Variants in ALPL observed in about 807,000 individuals in gnomAD.
ALPL encodes alkaline phosphatase, biomineralization associated, also known as alkaline phosphatase, tissue-nonspecific isozyme.
Under a neutral mutation model 51.3 loss-of-function variants are expected in ALPL, and 42 were observed. The observed-to-expected ratio is 0.82, with a 90% CI of 0.64 to 1.06. The LOEUF is 1.06. Ranked by LOEUF, ALPL falls within the 50% of genes least tolerant of loss-of-function variation. The probability of loss-of-function intolerance (pLI) is 0.00; values close to 1 mark genes in which losing one functional copy is unlikely to be tolerated. For synonymous variants in ALPL, 279 were observed against 296.4 expected (o/e 0.94, Z 0.60); for missense variants, 589 against 709.4 (o/e 0.83, Z 1.93).
chr1:21,536,692 G>A (rs1417944796), intron 1 of ALPL, among the ~76,000 whole-genome samples: 1 of 152,074 alleles, frequency 6.6e-6, no homozygotes, highest in Non-Finnish European at 1.5e-5. Flanking sequence ...GGAGCTGGAG[G>A]CGGGATCAGT....
intron 11 of ALPL, 52 bp from the exon 12 acceptor site, chr1:21,577,331 G>T: frequency 1.2e-6 from 2 of 1,612,042 alleles, no homozygotes. Context: ...AGCTGCGTGC[G>T]CAGCGCCAGG....
intron 2 of ALPL, among the ~76,000 whole-genome samples, chr1:21,555,534 A>G (rs1644401384): frequency 6.6e-6 from 1 of 152,152 alleles, no homozygotes; most frequent in Non-Finnish European, 1.5e-5. Context: ...CTCCTGCCTC[A>G]GCCTCCTGAG....
intron 1 of ALPL, among the ~76,000 whole-genome samples, chr1:21,550,453 T>G (rs1015040580): frequency 5.9e-5 from 9 of 152,178 alleles, no homozygotes; most frequent in Admixed American, 3.9e-4. Context: ...TAGTGAAACA[T>G]CATGGTGAAA....
At chr1:21,557,180 C>G (rs1319500827) in intron 2 of ALPL, among the ~76,000 whole-genome samples, 1 of 152,186 alleles carries the variant, frequency 6.6e-6, no homozygotes, top group African/African-American at 2.4e-5. Flanking sequence ...CATTATGTGG[C>G]TAGAAGTCCC....
chr1:21,533,120 G>A (rs1256099050), intron 1 of ALPL, among the ~76,000 whole-genome samples: 2 of 152,180 alleles, frequency 1.3e-5, no homozygotes, highest in Non-Finnish European at 2.9e-5. Flanking sequence ...GAAAGCCACC[G>A]TTTACTTACC....
intron 2 of ALPL, among the ~76,000 whole-genome samples, chr1:21,554,578 C>CAT (rs1644374601): frequency 1.3e-5 from 2 of 150,968 alleles, no homozygotes; most frequent in Admixed American, 6.6e-5. Context: ...GCAAGCTCTG[C>CAT]CTCCTGGGTT....
At chr1:21,525,239 G>A (rs1002874457) in intron 1 of ALPL, among the ~76,000 whole-genome samples, 10 of 152,324 alleles carry the variant, frequency 6.6e-5, no homozygotes, top group South Asian at 4.1e-4. Flanking sequence ...CTGGCCAAAC[G>A]GAGCTCAGCT....
intron 2 of ALPL, among the ~76,000 whole-genome samples, chr1:21,558,854 T>C (rs866837486): frequency 1.3e-5 from 2 of 152,190 alleles, no homozygotes; most frequent in African/African-American, 2.4e-5. Flanking sequence ...TATGCTAGGC[T>C]GGGGCAGAGC....
chr1:21,556,396 G>A (rs1055330354), intron 2 of ALPL, among the ~76,000 whole-genome samples: 8 of 150,316 alleles, frequency 5.3e-5, no homozygotes, highest in African/African-American at 2.0e-4. Context: ...ATCCCAGTGC[G>A]TTGGGAGGCT....
rs571019894 is a variant in ALPL, at chr1:21,547,516, C to T, written c.-104-6462C>T. ...TTCTTCACTTGCCGCCTGGCCAGGC[C>T]GCTCAGGTAGGGGAACTCAGCTGGC... On this transcript the variant is annotated intron_variant, in intron 1 of 11. Coordinates refer to ENST00000374840, the MANE Select transcript of ALPL (RefSeq NM_000478.6). 9.2e-5 allele frequency among the ~76,000 whole-genome samples: 14 copies of T among 152,322 alleles called. No homozygotes were observed. In the East Asian group the frequency reaches 2.3e-3, roughly 25 times the overall value.
In ALPL at chr1:21,564,269, G is replaced by T; in HGVS notation, c.648+53G>T. 1 of 1,602,320 alleles carries T rather than the reference G, an allele frequency of 6.2e-7. No individual in the cohort carries two copies. Among genetic ancestry groups the T allele is most frequent in the Non-Finnish European group, 8.5e-7 (1 of 1,174,386 alleles). On this transcript the variant is annotated intron_variant, in intron 6 of 11. Transcript: ENST00000374840. The surrounding 1 kb of genome is among the most constrained non-coding windows in gnomAD (Gnocchi z 5.8). ...GACGGGGTGAGGCGGGGCCTCTGGT[G>T]GGCAGGAGGCCTCAGGCCCAGGCTG...
At chr1:21,565,557 G>T (rs1644550790) in intron 6 of ALPL, among the ~76,000 whole-genome samples, 2 of 150,286 alleles carry the variant, frequency 1.3e-5, no homozygotes, top group South Asian at 4.2e-4. Flanking sequence ...CAGGGGACAG[G>T]AACTTGAAGG....
chr1:21,538,357 G>A (rs965596192), intron 1 of ALPL, among the ~76,000 whole-genome samples: 1 of 152,154 alleles, frequency 6.6e-6, no homozygotes, highest in Non-Finnish European at 1.5e-5. Flanking sequence ...AAAAGCCACC[G>A]GAGCCTTCTG....
chr1:21,554,909 CT>C (rs756685425), intron 2 of ALPL, among the ~76,000 whole-genome samples: 3 of 80,806 alleles, frequency 3.7e-5, no homozygotes, highest in Non-Finnish European at 7.5e-5. Flanking sequence ...CTTTCTTTCT[CT>C]TTTCTTTCTT....
intron 9 of ALPL, chr1:21,574,000 T>C: frequency 1.0e-6 from 1 of 985,414 alleles, no homozygotes; most frequent in South Asian, 4.7e-5. Context: ...GGCATGGAGA[T>C]GCAAGTTAGG....
At chr1:21,524,812 G>A (rs954211967) in intron 1 of ALPL, among the ~76,000 whole-genome samples, 11 of 152,226 alleles carry the variant, frequency 7.2e-5, no homozygotes, top group Non-Finnish European at 1.2e-4. Context: ...GCTTAGAAGT[G>A]CGGAGTTTAT....
upstream of ALPL, among the ~76,000 whole-genome samples, chr1:21,509,143 G>A (rs952131019): frequency 5.3e-5 from 8 of 152,104 alleles, no homozygotes; most frequent in African/African-American, 1.9e-4. The surrounding 1 kb of genome is among the most constrained non-coding windows in gnomAD (Gnocchi z 6.0). Context: ...GAGAGGAAGG[G>A]CTGGGCTGGG....
At chr1:21,570,242 T>C (rs545029372) in intron 7 of ALPL, 63 bp from the exon 8 acceptor site, 1 of 1,520,394 alleles carries the variant, frequency 6.6e-7, no homozygotes, top group African/African-American at 1.4e-5. Context: ...TGATAGCTGC[T>C]GGGGTCAGTC....
intron 1 of ALPL, among the ~76,000 whole-genome samples, chr1:21,543,781 T>C (rs1314978433): frequency 1.3e-5 from 2 of 152,212 alleles, no homozygotes; most frequent in African/African-American, 4.8e-5. Flanking sequence ...CTGCGTGCTC[T>C]AGACCGGGGG....
Sources: allele counts gnomAD v4.1 joint callset (sites outside exome capture counted in the v4.1 genomes callset), GRCh38; gene constraint gnomAD v4.1.1; non-coding constraint Gnocchi (gnomAD v3.1); transcripts MANE v1.5; gene names NCBI Gene and HGNC (gene_info 2026-07-23, HGNC 2026-07-21).